Variants in FAM135B observed in about 807,000 individuals in gnomAD.
FAM135B encodes protein FAM135B.
In FAM135B, 43 loss-of-function variants were observed where a neutral mutation model predicts 127.7. The observed-to-expected ratio is 0.34, with a 90% CI of 0.26 to 0.43. The LOEUF (loss-of-function observed/expected upper bound fraction) is 0.43, where lower values mean the gene tolerates loss of function less well. Among genes scored for constraint, FAM135B ranks in the 20% least tolerant of loss-of-function variants. FAM135B has a pLI of 1.00. For missense variants in FAM135B, 1,558 were observed against 1,725.6 expected (o/e 0.90, Z 1.72); for synonymous variants, 670 against 665.1 (o/e 1.01, Z -0.11).
chr8:138,316,366 C>T (rs891526822), intron 2 of FAM135B, among the ~76,000 whole-genome samples: 12 of 151,918 alleles, frequency 7.9e-5, no homozygotes, highest in Non-Finnish European at 1.3e-4. Flanking sequence ...CAGTGGCGGG[C>T]GCCTGTAGTC....
At chr8:138,382,466 G>A (rs1398634850) in intron 1 of FAM135B, among the ~76,000 whole-genome samples, 1 of 152,078 alleles carries the variant, frequency 6.6e-6, no homozygotes, top group Non-Finnish European at 1.5e-5. Flanking sequence ...GGGGTTTGGG[G>A]TGAGTAAACC....
rs967423899 is a variant in FAM135B at position 138,243,400 on chromosome 8, C to T, written c.543-332G>A. 2.0e-5 allele frequency among the ~76,000 whole-genome samples: 3 copies of T among 152,122 alleles called. No homozygotes were observed. The highest frequency in any genetic ancestry group is 4.8e-5 in the African/African-American group (2 of 41,406). ...CTAGAGGGGAAGGTGGCATGGGCTC[C>T]GAAAATTTCAGGGGCAACTCTGACC... On this transcript the variant is annotated intron_variant, in intron 6 of 19. Coordinates refer to ENST00000395297, the MANE Select transcript of FAM135B (RefSeq NM_015912.4). This position sits in a 1 kb window ranked among gnomAD's most constrained non-coding sequence, Gnocchi z 7.5.
chr8:138,460,300 T>C (rs1224106901), intron 1 of FAM135B, among the ~76,000 whole-genome samples: 1 of 152,214 alleles, frequency 6.6e-6, no homozygotes, highest in Non-Finnish European at 1.5e-5. Context: ...CCATAGACTG[T>C]CTGGCTTCAA....
chr8:138,230,640 G>A (rs13278748), intron 7 of FAM135B, among the ~76,000 whole-genome samples: 25,735 of 152,032 alleles, frequency 0.17, 2,627 homozygotes, highest in Non-Finnish European at 0.23. Context: ...AGCTGTGCCC[G>A]CTGAGTCTCC....
In FAM135B at chr8:138,244,363, T is replaced by A. The variant is rs1821121333; in HGVS notation, c.543-1295A>T. On this transcript the variant is annotated intron_variant, in intron 6 of 19. Transcript: ENST00000395297. ...GGTCAAGCAGTGAGGGGGCAATAAA[T>A]CCAGCCTCTCAGGGTTCAACTCCCT... 3.3e-5 allele frequency among the ~76,000 whole-genome samples: 5 copies of A among 152,198 alleles called. No homozygotes were observed. The South Asian group carries it at 1.0e-3, about 32-fold the overall frequency.
At chr8:138,379,083 C>T (rs1471608012) in intron 1 of FAM135B, among the ~76,000 whole-genome samples, 1 of 152,220 alleles carries the variant, frequency 6.6e-6, no homozygotes, top group Non-Finnish European at 1.5e-5. Context: ...GGCAATTTCT[C>T]TCTCTTTCCA....
chr8:138,404,045 C>T (rs1046082944), intron 1 of FAM135B, among the ~76,000 whole-genome samples: 1 of 151,950 alleles, frequency 6.6e-6, no homozygotes, highest in Non-Finnish European at 1.5e-5. Context: ...AATCTTACAC[C>T]ATTTTGAGTG....
intron 7 of FAM135B, among the ~76,000 whole-genome samples, chr8:138,216,034 T>C (rs1218731627): frequency 6.6e-6 from 1 of 152,130 alleles, no homozygotes; most frequent in African/African-American, 2.4e-5. Flanking sequence ...ACAAACTATG[T>C]TACAGTGAAC....
intron 1 of FAM135B, among the ~76,000 whole-genome samples, chr8:138,405,206 T>C (rs995845867): frequency 2.7e-5 from 4 of 147,516 alleles, no homozygotes; most frequent in Admixed American, 1.3e-4. Context: ...TAATATTCTT[T>C]TTTTTTCTTT....
intron 17 of FAM135B, among the ~76,000 whole-genome samples, chr8:138,140,181 G>A (rs1381575730): frequency 6.6e-6 from 1 of 152,214 alleles, no homozygotes; most frequent in Non-Finnish European, 1.5e-5. Flanking sequence ...GTGCCATTGT[G>A]TCGGATAACT....
rs1308803750 is a variant in FAM135B at position 138,141,155 on chromosome 8, C to G, written c.3790+43G>C. On this transcript the variant is annotated intron_variant, in intron 17 of 19. Transcript: ENST00000395297. The surrounding 1 kb of genome is among the most constrained non-coding windows in gnomAD (Gnocchi z 4.7). ...TGCCCGGTTTCACGCCCCAGAGGCC[C>G]CAGATTAATTCTGAGGAATGACGAG... 1 of 1,598,570 alleles carries G rather than the reference C, an allele frequency of 6.3e-7. No individual in the cohort carries two copies. The highest frequency in any genetic ancestry group is 8.6e-7 in the Non-Finnish European group (1 of 1,167,964).
In FAM135B at chr8:138,332,500, G is replaced by C. The variant is rs146540430; in HGVS notation, c.78-21580C>G. 6.6e-4 allele frequency among the ~76,000 whole-genome samples: 100 copies of C among 152,232 alleles called. No homozygotes were observed. In the Middle Eastern group the frequency reaches 0.01, roughly 16 times the overall value. On this transcript the variant is annotated intron_variant, in intron 2 of 19. Coordinates refer to ENST00000395297, the MANE Select transcript of FAM135B (RefSeq NM_015912.4). Reference sequence around the variant, plus strand: ...GAAATTCAAGGTAAAACAAAGTCACGTGTGGATTTAGTAGACCTGGGATTT... The same window carrying C: ...GAAATTCAAGGTAAAACAAAGTCACCTGTGGATTTAGTAGACCTGGGATTT...
At chr8:138,392,813 C>T (rs139023439) in intron 1 of FAM135B, among the ~76,000 whole-genome samples, 6 of 152,308 alleles carry the variant, frequency 3.9e-5, no homozygotes, top group Non-Finnish European at 7.4e-5. Flanking sequence ...TCCTGCCAGT[C>T]TCTCTATCCC....
intron 2 of FAM135B, among the ~76,000 whole-genome samples, chr8:138,312,576 A>G (rs566929652): frequency 6.6e-6 from 1 of 152,356 alleles, no homozygotes; most frequent in African/African-American, 2.4e-5. Context: ...CAGCCGAAGG[A>G]TCAGGAAGAG....
chr8:138,186,609 C>T (rs953893202), intron 9 of FAM135B, among the ~76,000 whole-genome samples: 1 of 152,120 alleles, frequency 6.6e-6, no homozygotes, highest in South Asian at 2.1e-4. Context: ...AAGCACACCC[C>T]CATACACCCT....
intron 1 of FAM135B, among the ~76,000 whole-genome samples, chr8:138,403,640 G>C: frequency 6.6e-6 from 1 of 152,180 alleles, no homozygotes; most frequent in Non-Finnish European, 1.5e-5. Flanking sequence ...TACCAATGGA[G>C]AGTGGGGCTG....
intron 1 of FAM135B, among the ~76,000 whole-genome samples, chr8:138,483,096 A>G (rs1414513508): frequency 6.6e-6 from 1 of 152,174 alleles, no homozygotes; most frequent in African/African-American, 2.4e-5. Context: ...GAAAAAAAAA[A>G]ATCTCACTGT....
chr8:138,236,718 T>C (rs1820303237), intron 7 of FAM135B, among the ~76,000 whole-genome samples: 1 of 152,232 alleles, frequency 6.6e-6, no homozygotes, highest in African/African-American at 2.4e-5. Context: ...ATATTTGATG[T>C]AAAGTAGATG....
At chr8:138,133,808 G>A (rs933886662) in intron 19 of FAM135B, among the ~76,000 whole-genome samples, 6 of 152,118 alleles carry the variant, frequency 3.9e-5, no homozygotes, top group Admixed American at 3.3e-4. Context: ...TTAGAGGTCT[G>A]CTTTCCCAGA....
Sources: gnomAD v4.1 joint callset for allele counts (sites outside exome capture counted in the v4.1 genomes callset) on GRCh38, gnomAD v4.1.1 for gene constraint, Gnocchi (gnomAD v3.1) non-coding constraint, MANE v1.5 for transcripts, NCBI Gene and HGNC (gene_info 2026-07-23, HGNC 2026-07-21) for gene names.